PARD3B: variants seen among roughly 807,000 people sequenced by gnomAD.
The protein encoded by PARD3B is partitioning defective 3 homolog B.
Under a neutral mutation model 130.2 loss-of-function variants are expected in PARD3B, and 103 were observed. The observed-to-expected ratio is 0.79, with a 90% CI of 0.67 to 0.93. PARD3B has a LOEUF of 0.93. Among genes scored for constraint, PARD3B ranks in the 40% least tolerant of loss-of-function variants. The pLI, the probability that PARD3B is intolerant of heterozygous loss-of-function variation, is 0.00. For synonymous variants in PARD3B, 583 were observed against 553.2 expected (o/e 1.05, Z -0.76); for missense variants, 1,609 against 1,499.2 (o/e 1.07, Z -1.21).
At chr2:204,709,351 T>G (rs79469010) in intron 2 of PARD3B, among the ~76,000 whole-genome samples, 3,798 of 152,330 alleles carry the variant, frequency 0.025, 65 homozygotes, top group Non-Finnish European at 0.041. Context: ...AAAACATAAA[T>G]GAAATTCTGC....
chr2:205,207,330 A>T (rs572201019), intron 15 of PARD3B, among the ~76,000 whole-genome samples: 13,075 of 133,962 alleles, frequency 0.098, 538 homozygotes, highest in African/African-American at 0.14. Context: ...GAGCAAACAC[A>T]TTCAAAAGCT....
chr2:205,433,674 A>G (rs915584510), intron 19 of PARD3B, among the ~76,000 whole-genome samples: 1 of 152,164 alleles, frequency 6.6e-6, no homozygotes, highest in Non-Finnish European at 1.5e-5. Context: ...GCACCCATGG[A>G]TGTTCCCTCA....
In PARD3B at chr2:205,268,331, A is replaced by G. The variant is rs1023044097; in HGVS notation, c.2185+22509A>G. The stretch of plus-strand genomic sequence containing the variant: ...ATAATTGGTTTTTGAGAACGGTTCC[A>G]ATATATTGGGAGAAAAATAAGCATC... On this transcript the variant is annotated intron_variant, in intron 16 of 22. Transcript: ENST00000406610. The surrounding 1 kb of genome is among the most constrained non-coding windows in gnomAD (Gnocchi z 4.1). 1.3e-5 allele frequency among the ~76,000 whole-genome samples: 2 copies of G among 152,244 alleles called. No homozygotes were observed. Among genetic ancestry groups the G allele is most frequent in the Admixed American group, 6.5e-5 (1 of 15,286 alleles).
chr2:205,523,243 T>TTA lies in PARD3B; in HGVS notation c.3180+23226_3180+23227dup, dbSNP rs1210115446. Among the ~76,000 whole-genome samples, 474 of 144,294 alleles carry TTA rather than the reference T, an allele frequency of 3.3e-3. 5 individuals carry two copies. Among genetic ancestry groups the TTA allele is most frequent in the East Asian group, 6.2e-3 (31 of 5,014 alleles). The allele number at this position is 144,294 out of a possible 152,430, so 94.7% of individuals were successfully genotyped here. On this transcript the variant is annotated intron_variant, in intron 21 of 22. Coordinates refer to ENST00000406610, the MANE Select transcript of PARD3B (RefSeq NM_001302769.2). ...TGTGTGTGTATATATATATATATAT[T>TTA]TATATATATATATATTTTTGAGATG...
chr2:204,881,796 C>G (rs529809646), intron 2 of PARD3B, among the ~76,000 whole-genome samples: 1 of 152,302 alleles, frequency 6.6e-6, no homozygotes, highest in South Asian at 2.1e-4. Flanking sequence ...AGTGCTGCTG[C>G]TGTGTGTTGT....
rs576904589 is a variant in PARD3B, at chr2:205,308,345, G to T, written c.2630+6644G>T. 4.6e-5 allele frequency among the ~76,000 whole-genome samples: 7 copies of T among 152,066 alleles called. No homozygotes were observed. The East Asian group carries it at 1.4e-3, about 29-fold the overall frequency. ...CAAGCAGCCAGGCATGGTGGCTCTC[G>T]CCTGTAATCCCAGCACTTTGGGAGG... is the stretch of plus-strand genomic sequence containing the variant. On this transcript the variant is annotated intron_variant, in intron 18 of 22. Transcript: ENST00000406610.
At chr2:205,395,396 A>C (rs544524954) in intron 18 of PARD3B, among the ~76,000 whole-genome samples, 13 of 152,292 alleles carry the variant, frequency 8.5e-5, no homozygotes, top group Non-Finnish European at 1.5e-4. Context: ...ATCTTCTTGC[A>C]GCATTCTTTA....
intron 14 of PARD3B, 136 bp downstream of exon 14, chr2:205,185,999 C>T: frequency 2.9e-6 from 2 of 690,816 alleles, no homozygotes; most frequent in Non-Finnish European, 4.8e-6. Flanking sequence ...TAATTCCTTT[C>T]CAGCGAAAGC....
intron 15 of PARD3B, among the ~76,000 whole-genome samples, chr2:205,234,272 A>T (rs563338088): frequency 5.9e-5 from 9 of 152,180 alleles, no homozygotes; most frequent in Non-Finnish European, 1.2e-4. Flanking sequence ...GTGAGCTGTG[A>T]TCATGGCATT....
chr2:205,080,760 T>G (rs1257571531), intron 4 of PARD3B, among the ~76,000 whole-genome samples: 1 of 152,150 alleles, frequency 6.6e-6, no homozygotes, highest in Non-Finnish European at 1.5e-5. Flanking sequence ...TATGAGACAG[T>G]AGGAATTCCA....
chr2:204,641,450 T>A (rs2125153556), intron 1 of PARD3B, among the ~76,000 whole-genome samples: 2 of 145,868 alleles, frequency 1.4e-5, no homozygotes, highest in East Asian at 4.0e-4. Flanking sequence ...CTTGGTCTTT[T>A]TTTTTTAATC....
At chr2:204,856,534 A>G (rs769997081) in intron 2 of PARD3B, among the ~76,000 whole-genome samples, 1 of 152,114 alleles carries the variant, frequency 6.6e-6, no homozygotes, top group Non-Finnish European at 1.5e-5. Flanking sequence ...AGAGGAAACA[A>G]TTTTTAGTTT....
At chr2:204,855,979 T>C (rs2044918740) in intron 2 of PARD3B, among the ~76,000 whole-genome samples, 1 of 152,210 alleles carries the variant, frequency 6.6e-6, no homozygotes, top group Admixed American at 6.5e-5. Context: ...CTTTCATATC[T>C]TGGCTATTTT....
intron 4 of PARD3B, among the ~76,000 whole-genome samples, chr2:205,052,296 T>G (rs531297594): frequency 2.0e-4 from 30 of 151,670 alleles, no homozygotes; most frequent in African/African-American, 7.0e-4. Context: ...TCCTGAAAAT[T>G]ATAATACTGT....
chr2:205,398,282 C>G (rs1226366228), intron 18 of PARD3B, among the ~76,000 whole-genome samples: 1 of 151,450 alleles, frequency 6.6e-6, no homozygotes, highest in African/African-American at 2.4e-5. Context: ...ACCTCAGTAA[C>G]AAGAGTGAAA....
intron 2 of PARD3B, among the ~76,000 whole-genome samples, chr2:204,749,560 C>G (rs2040380061): frequency 6.6e-6 from 1 of 152,208 alleles, no homozygotes; most frequent in Non-Finnish European, 1.5e-5. Flanking sequence ...ATAAAATAGC[C>G]TTTATCTTTT....
At chr2:204,699,118 C>T (rs2037758966) in intron 2 of PARD3B, among the ~76,000 whole-genome samples, 1 of 151,934 alleles carries the variant, frequency 6.6e-6, no homozygotes, top group South Asian at 2.1e-4. Flanking sequence ...TAATGAAGCC[C>T]TTGACCTGAC....
At chr2:205,174,515 G>C (rs2125756418) in intron 12 of PARD3B, among the ~76,000 whole-genome samples, 1 of 152,202 alleles carries the variant, frequency 6.6e-6, no homozygotes, top group African/African-American at 2.4e-5. Flanking sequence ...AATTGCAACT[G>C]TTTGATCTTC....
intron 2 of PARD3B, among the ~76,000 whole-genome samples, chr2:204,718,661 TTA>T (rs1199275610): frequency 6.6e-6 from 1 of 152,202 alleles, no homozygotes; most frequent in East Asian, 1.9e-4. Flanking sequence ...TTGTTATGAC[TTA>T]TTAGATTCAA....
Sources: gnomAD v4.1 joint callset for allele counts (sites outside exome capture counted in the v4.1 genomes callset) on GRCh38, gnomAD v4.1.1 for gene constraint, Gnocchi (gnomAD v3.1) non-coding constraint, MANE v1.5 for transcripts, NCBI Gene and HGNC (gene_info 2026-07-23, HGNC 2026-07-21) for gene names.